The following NDFIP1 variants were observed in gnomAD, a reference collection of about 807,000 sequenced individuals.
The protein encoded by NDFIP1 is NEDD4 family-interacting protein 1.
A neutral mutation model predicts 28.8 loss-of-function variants in NDFIP1; 7 were observed. The observed-to-expected ratio is 0.24, with a 90% confidence interval of 0.14 to 0.46. NDFIP1 has a LOEUF of 0.46. Ranked by LOEUF, NDFIP1 falls within the 20% of genes least tolerant of loss-of-function variation. NDFIP1 has a pLI of 0.99. For missense variants in NDFIP1, 194 were observed against 269.1 expected, an observed-to-expected ratio of 0.72 and a Z score of 1.95; for synonymous variants, 92 against 101.0, an observed-to-expected ratio of 0.91 and a Z score of 0.53.
At chr5:142,118,429 A>G (rs12657589) in intron 1 of NDFIP1, among the ~76,000 whole-genome samples, 41,548 of 152,046 alleles carry the variant, frequency 0.27, 6,997 homozygotes, top group Non-Finnish European at 0.37. Context: ...TGTTTTTCTC[A>G]TGATTAGACT....
chr5:142,124,972 C>A (rs1757156657), intron 1 of NDFIP1, among the ~76,000 whole-genome samples: 1 of 152,120 alleles, frequency 6.6e-6, no homozygotes, highest in African/African-American at 2.4e-5. Context: ...ACTACAGGTG[C>A]CCACCATCAC....
chr5:142,151,528 T>C (rs1309546993), intron 7 of NDFIP1, among the ~76,000 whole-genome samples: 1 of 152,232 alleles, frequency 6.6e-6, no homozygotes, highest in East Asian at 1.9e-4. Flanking sequence ...CAGTTTTTTC[T>C]AGTTCTAGAG....
rs192628933 is a variant in NDFIP1, at chr5:142,147,457, A to G, written c.*2+2781A>G. On this transcript the variant is annotated intron_variant, in intron 7 of 7. Transcript: ENST00000253814. ...TCCCTATCGATTCTTTATTATGCTTATCACAGTTTTTAAAAAGTAATTATC... is the reference window on the plus strand; with the variant it reads ...TCCCTATCGATTCTTTATTATGCTTGTCACAGTTTTTAAAAAGTAATTATC... 2.0e-5 allele frequency among the ~76,000 whole-genome samples: 3 copies of G among 152,340 alleles called. No individual in the cohort carries two copies. In the East Asian group the frequency reaches 5.8e-4, roughly 29 times the overall value.
At position 142,135,877 on chromosome 5, in the gene NDFIP1, T is replaced by A. The variant is rs532476900; in HGVS notation, c.370+60T>A. ...AAACTAGAGTGCTTTGGATTATGGG[T>A]GAATCTGACTGAATTAAAATAACTA... On this transcript the variant is annotated intron_variant, in intron 4 of 7. Coordinates refer to ENST00000253814, the MANE Select transcript of NDFIP1 (RefSeq NM_030571.4). The A allele has an allele frequency of 5.3e-6, 6 of 1,126,168 alleles. No homozygotes were observed. In the Admixed American group the frequency reaches 9.1e-5, roughly 17 times the overall value. 69.8% of individuals were successfully genotyped at this position (1,126,168 alleles called of 1,614,324 possible).
In NDFIP1 at chr5:142,153,654, T is replaced by C. The variant is rs561630788; in HGVS notation, c.*1926T>C. The C allele has an allele frequency of 3.4e-6, 1 of 297,072 alleles. No homozygotes were observed. Among genetic ancestry groups the C allele is most frequent in the Non-Finnish European group, 6.7e-6 (1 of 150,142 alleles). The allele number at this position is 297,072 out of a possible 1,614,324, so 18.4% of individuals were successfully genotyped here. A position where few individuals can be genotyped will look rare whatever the true frequency, so the allele number is the denominator to read the frequency against. On this transcript the variant is annotated 3_prime_UTR_variant, in exon 8 of 8. Transcript: ENST00000253814. ...ATCAGATTATAGCAACAATGGAGTT[T>C]GGAAGTTTGTATGGCCTATAATGTT...
chr5:142,145,048 C>A (rs1227400157), intron 7 of NDFIP1, among the ~76,000 whole-genome samples: 7 of 152,150 alleles, frequency 4.6e-5, no homozygotes, highest in Non-Finnish European at 8.8e-5. Flanking sequence ...CCCTTCAGGC[C>A]TAATCACTCA....
At chr5:142,119,506 A>G (rs1228800769) in intron 1 of NDFIP1, among the ~76,000 whole-genome samples, 2 of 152,224 alleles carry the variant, frequency 1.3e-5, no homozygotes. Context: ...CACATTTTGC[A>G]TACATCCTCC....
At chr5:142,137,587 T>C (rs1757289527) in intron 4 of NDFIP1, 147 bp from the exon 5 acceptor site, 1 of 882,752 alleles carries the variant, frequency 1.1e-6, no homozygotes, top group Admixed American at 2.4e-5. Flanking sequence ...GAAGAATGGA[T>C]GTTTTAGAGG....
intron 2 of NDFIP1, 151 bp downstream of exon 2, chr5:142,132,046 A>C: frequency 9.5e-7 from 1 of 1,055,756 alleles, no homozygotes; most frequent in Non-Finnish European, 1.3e-6. Context: ...GATACATTTA[A>C]AAATCACCCC....
rs377318535 is a variant in NDFIP1 at position 142,110,488 on chromosome 5, C to T, written c.63+1451C>T. Reference sequence around the variant, plus strand: ...TGGTTTTTCTTTGTACTGCCATCTTCTTGAGCTATTAGGTAATGCTGACAT... The same window carrying T: ...TGGTTTTTCTTTGTACTGCCATCTTTTTGAGCTATTAGGTAATGCTGACAT... On this transcript the variant is annotated intron_variant, in intron 1 of 7. Coordinates refer to ENST00000253814, the MANE Select transcript of NDFIP1 (RefSeq NM_030571.4). Among the ~76,000 whole-genome samples, 29 of 152,204 alleles carry T rather than the reference C, an allele frequency of 1.9e-4. No individual in the cohort carries two copies. The East Asian group carries it at 3.5e-3, about 18-fold the overall frequency.
At position 142,153,055 on chromosome 5, in the gene NDFIP1, A is replaced by G. The variant is rs1309084602; in HGVS notation, c.*1327A>G. The G allele has an allele frequency of 2.9e-6, 1 of 340,044 alleles. No individual in the cohort carries two copies. Among genetic ancestry groups the G allele is most frequent in the Non-Finnish European group, 5.8e-6 (1 of 172,960 alleles). 21.1% of individuals were successfully genotyped at this position (340,044 alleles called of 1,614,324 possible). A position where few individuals can be genotyped will look rare whatever the true frequency, so the allele number is the denominator to read the frequency against. ...TTCTGGAATTCCTAATTATGCTTCA[A>G]TTTTTAGACATAATTTTAGATAATT... On this transcript the variant is annotated 3_prime_UTR_variant, in exon 8 of 8. Transcript: ENST00000253814.
At chr5:142,114,032 C>T (rs1757040316) in intron 1 of NDFIP1, among the ~76,000 whole-genome samples, 1 of 152,178 alleles carries the variant, frequency 6.6e-6, no homozygotes, top group South Asian at 2.1e-4. Context: ...CTACAAATAT[C>T]TTTCAAGTCC....
chr5:142,127,817 A>G (rs1460913056), intron 1 of NDFIP1, among the ~76,000 whole-genome samples: 4 of 152,046 alleles, frequency 2.6e-5, no homozygotes, highest in Admixed American at 1.3e-4. Context: ...TTAGCCAGGT[A>G]TGGTGGTGCA....
In NDFIP1 at chr5:142,111,341, A is replaced by G. The variant is rs573172339; in HGVS notation, c.63+2304A>G. Among the ~76,000 whole-genome samples the G allele has an allele frequency of 4.6e-5, 7 of 152,120 alleles. No homozygotes were observed. In the South Asian group the frequency reaches 1.2e-3, roughly 27 times the overall value. ...TATATAAAATATTTTTAATGTCTGCATGGCATGTAATTGTATGGCTGAATC... is the reference window on the plus strand; with the variant it reads ...TATATAAAATATTTTTAATGTCTGCGTGGCATGTAATTGTATGGCTGAATC... On this transcript the variant is annotated intron_variant, in intron 1 of 7. Transcript: ENST00000253814.
chr5:142,137,381 C>T (rs1757287749), intron 4 of NDFIP1, among the ~76,000 whole-genome samples: 1 of 152,022 alleles, frequency 6.6e-6, no homozygotes, highest in African/African-American at 2.4e-5. Context: ...AGATGGGTCT[C>T]ACTGTGGTGC....
intron 4 of NDFIP1, among the ~76,000 whole-genome samples, chr5:142,136,613 G>A (rs1305962142): frequency 6.6e-6 from 1 of 151,780 alleles, no homozygotes; most frequent in Non-Finnish European, 1.5e-5. Context: ...AAATTAGCTG[G>A]GTGTGGTGGC....
chr5:142,116,159 C>T (rs1402873859), intron 1 of NDFIP1, among the ~76,000 whole-genome samples: 1 of 152,088 alleles, frequency 6.6e-6, no homozygotes, highest in Non-Finnish European at 1.5e-5. Flanking sequence ...CTTGATATCA[C>T]TTAGCACATC....
chr5:142,116,612 A>G (rs1050337249), intron 1 of NDFIP1, among the ~76,000 whole-genome samples: 1 of 150,860 alleles, frequency 6.6e-6, no homozygotes, highest in Non-Finnish European at 1.5e-5. Context: ...CAAATGATCT[A>G]CCCACCTTGG....
At chr5:142,113,778 A>G (rs1329555596) in intron 1 of NDFIP1, among the ~76,000 whole-genome samples, 1 of 152,148 alleles carries the variant, frequency 6.6e-6, no homozygotes, top group Non-Finnish European at 1.5e-5. Context: ...TACCGTAGGT[A>G]CCTCTCATAA....
Sources: gnomAD v4.1 joint callset for allele counts (sites outside exome capture counted in the v4.1 genomes callset) on GRCh38, gnomAD v4.1.1 for gene constraint, MANE v1.5 for transcripts, NCBI Gene and HGNC (gene_info 2026-07-23, HGNC 2026-07-21) for gene names.